The following ARHGAP10 variants were observed in gnomAD, a reference collection of about 807,000 sequenced individuals.
ARHGAP10 encodes the protein rho GTPase-activating protein 10.
Under a neutral mutation model 108.6 loss-of-function variants are expected in ARHGAP10, and 87 were observed. That is an observed-to-expected ratio of 0.80 (90% CI 0.67 to 0.96). The LOEUF (loss-of-function observed/expected upper bound fraction) is 0.96. Among genes scored for constraint, ARHGAP10 ranks in the 40% least tolerant of loss-of-function variants. The probability of loss-of-function intolerance (pLI) is 0.00; values close to 1 mark genes in which losing one functional copy is unlikely to be tolerated. For missense variants in ARHGAP10, 939 were observed against 954.5 expected (o/e 0.98, Z 0.21); for synonymous variants, 347 against 341.1 (o/e 1.02, Z -0.19).
At chr4:147,895,512 CAAAA>C (rs70958593) in intron 10 of ARHGAP10, among the ~76,000 whole-genome samples, 15 of 85,288 alleles carry the variant, frequency 1.8e-4, no homozygotes, top group African/African-American at 6.9e-4. Flanking sequence ...GACCCTGTCT[CAAAA>C]AAAAAAAAAA....
chr4:148,021,108 C>CTAA (rs1183257395), intron 18 of ARHGAP10, among the ~76,000 whole-genome samples: 1 of 152,158 alleles, frequency 6.6e-6, no homozygotes, highest in African/African-American at 2.4e-5. Context: ...CTGATGTGAG[C>CTAA]TAAACAGTGC....
intron 3 of ARHGAP10, among the ~76,000 whole-genome samples, chr4:147,826,313 G>A (rs4292310): frequency 0.9 from 136,822 of 152,236 alleles, 62,634 homozygotes; most frequent in Non-Finnish European, 0.99. Context: ...TAGCCAACTG[G>A]CTGGTTTAAG....
Position 147,752,562 on chromosome 4 carries a change from G to A in ARHGAP10, c.154+20107G>A, listed in dbSNP as rs143554569. On this transcript the variant is annotated intron_variant, in intron 1 of 22. Coordinates refer to ENST00000336498, the MANE Select transcript of ARHGAP10 (RefSeq NM_024605.4). ...TGATCTTTTTTTTTTTTTTGGTGAC[G>A]GGGTCTCATTTGTTGCTTAGGCTGG... 7.3e-3 allele frequency among the ~76,000 whole-genome samples: 1,087 copies of A among 149,764 alleles called. 12 individuals carry two copies. The highest frequency in any genetic ancestry group is 0.025 in the African/African-American group (1,035 of 40,694).
intron 14 of ARHGAP10, among the ~76,000 whole-genome samples, chr4:147,945,759 G>C (rs531133487): frequency 1.3e-5 from 2 of 152,136 alleles, no homozygotes; most frequent in Admixed American, 1.3e-4. Flanking sequence ...GGATTTTTTT[G>C]CTCCTTGGTT....
chr4:148,040,820 G>GT (rs1473054906), intron 19 of ARHGAP10, among the ~76,000 whole-genome samples: 4 of 151,820 alleles, frequency 2.6e-5, no homozygotes, highest in African/African-American at 7.3e-5. Context: ...GATTTGGGGG[G>GT]GGTTATTTGG....
chr4:147,741,047 G>A (rs567302307), intron 1 of ARHGAP10, among the ~76,000 whole-genome samples: 1 of 152,264 alleles, frequency 6.6e-6, no homozygotes, highest in African/African-American at 2.4e-5. Flanking sequence ...ATATTTGTGA[G>A]ATTCATCCAA....
chr4:148,071,387 G>A (rs1212828427), intron 22 of ARHGAP10, among the ~76,000 whole-genome samples: 2 of 152,228 alleles, frequency 1.3e-5, no homozygotes, highest in Admixed American at 6.5e-5. Flanking sequence ...GGGCCAAGGC[G>A]AGTGGATCAC....
rs143124412 is a variant in ARHGAP10, at chr4:147,962,818, C to T, written c.1451-2206C>T. 2.4e-3 allele frequency among the ~76,000 whole-genome samples: 363 copies of T among 152,184 alleles called. 2 individuals carry two copies. The highest frequency in any genetic ancestry group is 8.4e-3 in the African/African-American group (349 of 41,508). On this transcript the variant is annotated intron_variant, in intron 16 of 22. Coordinates refer to ENST00000336498, the MANE Select transcript of ARHGAP10 (RefSeq NM_024605.4). ...AGCTGGGATTACAGGTGCACACCAC[C>T]ACACTGGCTAATTTTTGTATTTTTA...
chr4:147,928,178 C>T (rs1435227072), intron 13 of ARHGAP10, among the ~76,000 whole-genome samples: 1 of 152,204 alleles, frequency 6.6e-6, no homozygotes, highest in Non-Finnish European at 1.5e-5. Context: ...TGAGACTTAG[C>T]ATCAAGTCTT....
In ARHGAP10 at chr4:147,811,758, G is replaced by T. The variant is rs116410624; in HGVS notation, c.155-10969G>T. 7.0e-3 allele frequency among the ~76,000 whole-genome samples: 1,067 copies of T among 152,238 alleles called. 10 individuals carry two copies. Among genetic ancestry groups the T allele is most frequent in the African/African-American group, 0.024 (1,017 of 41,516 alleles). On this transcript the variant is annotated intron_variant, in intron 1 of 22. Transcript: ENST00000336498. ...TCTGTAACCTGCTTGCAGATTGGTC[G>T]CTAGCCACTTGCAGAGTGCAATTAA...
At chr4:147,833,028 A>G (rs1733016539) in intron 3 of ARHGAP10, among the ~76,000 whole-genome samples, 1 of 152,230 alleles carries the variant, frequency 6.6e-6, no homozygotes, top group African/African-American at 2.4e-5. Context: ...AAGTGCTGGT[A>G]TCAGTATCCA....
At chr4:147,788,458 A>T (rs10001327) in intron 1 of ARHGAP10, among the ~76,000 whole-genome samples, 24,375 of 152,018 alleles carry the variant, frequency 0.16, 4,583 homozygotes, top group African/African-American at 0.45. Context: ...AAAAGAAAAA[A>T]AAAAGTGCTT....
At chr4:147,737,951 A>G (rs1360959819) in intron 1 of ARHGAP10, among the ~76,000 whole-genome samples, 2 of 150,994 alleles carry the variant, frequency 1.3e-5, no homozygotes, top group African/African-American at 4.9e-5. Flanking sequence ...TTTTTGTCAC[A>G]TTGCCTTTCT....
At position 148,005,435 on chromosome 4, in the gene ARHGAP10, A is replaced by G. The variant is rs543123737; in HGVS notation, c.1717-17828A>G. Among the ~76,000 whole-genome samples, 227 of 152,282 alleles carry G rather than the reference A, an allele frequency of 1.5e-3. 9 individuals carry two copies. In the South Asian group the frequency reaches 0.044, roughly 30 times the overall value. On this transcript the variant is annotated intron_variant, in intron 18 of 22. Coordinates refer to ENST00000336498, the MANE Select transcript of ARHGAP10 (RefSeq NM_024605.4). ...CCCATCTCTATTTAAAAAAACATAT[A>G]TAGAAATATATATACAATAGTGAAT...
chr4:147,860,485 T>C (rs889172743), intron 5 of ARHGAP10, among the ~76,000 whole-genome samples: 1 of 151,850 alleles, frequency 6.6e-6, no homozygotes. Context: ...CAGGAGAAAA[T>C]TGTGGCATAT....
At position 147,944,130 on chromosome 4, in the gene ARHGAP10, TGA is replaced by T. The variant is rs1018440367; in HGVS notation, c.1304-2478_1304-2477del. ...AACGAGATTTAAATAATTGATTTAA[TGA>T]GAGAGAGAATATTCAGTTACTGAAG... On this transcript the variant is annotated intron_variant, in intron 14 of 22. Coordinates refer to ENST00000336498, the MANE Select transcript of ARHGAP10 (RefSeq NM_024605.4). 5.3e-5 allele frequency among the ~76,000 whole-genome samples: 8 copies of T among 152,196 alleles called. No individual in the cohort carries two copies. The South Asian group carries it at 6.2e-4, about 12-fold the overall frequency.
At chr4:147,836,439 T>C (rs1733173494) in intron 3 of ARHGAP10, among the ~76,000 whole-genome samples, 1 of 152,212 alleles carries the variant, frequency 6.6e-6, no homozygotes, top group Non-Finnish European at 1.5e-5. Context: ...AGCAGAAGTG[T>C]GATAATTGAA....
At chr4:147,929,500 A>T (rs1260733409) in intron 13 of ARHGAP10, among the ~76,000 whole-genome samples, 1 of 152,222 alleles carries the variant, frequency 6.6e-6, no homozygotes, top group African/African-American at 2.4e-5. Context: ...CCAGTGCAGC[A>T]GATAGCCTAG....
chr4:147,942,345 G>A (rs988588325), intron 14 of ARHGAP10, among the ~76,000 whole-genome samples: 3 of 152,070 alleles, frequency 2.0e-5, no homozygotes, highest in Non-Finnish European at 2.9e-5. Flanking sequence ...GTTCTTGAGA[G>A]CTAATTATTT....
Sources: gnomAD v4.1 joint callset for allele counts (sites outside exome capture counted in the v4.1 genomes callset) on GRCh38, gnomAD v4.1.1 for gene constraint, MANE v1.5 for transcripts, NCBI Gene and HGNC (gene_info 2026-07-23, HGNC 2026-07-21) for gene names.